HIVEP1: variants seen among roughly 807,000 people sequenced by gnomAD.
HIVEP1 encodes HIVEP zinc finger 1.
HIVEP1 carries 36 observed loss-of-function variants against 180.0 expected under a neutral mutation model. The observed-to-expected ratio is 0.20, with a 90% CI of 0.15 to 0.26. The LOEUF (loss-of-function observed/expected upper bound fraction) is 0.26. Among genes scored for constraint, HIVEP1 ranks in the 10% least tolerant of loss-of-function variants. HIVEP1 has a pLI of 1.00. For missense variants in HIVEP1, 3,143 were observed against 3,268.7 expected, an observed-to-expected ratio of 0.96 and a Z score of 0.94; for synonymous variants, 1,239 against 1,239.0, an observed-to-expected ratio of 1.00 and a Z score of 0.00.
intron 2 of HIVEP1, among the ~76,000 whole-genome samples, chr6:12,079,720 A>T (rs763868687): frequency 7.2e-5 from 11 of 152,192 alleles, no homozygotes; most frequent in Non-Finnish European, 1.3e-4. Flanking sequence ...AGTGGGGTGC[A>T]GCCTGAGTAT....
chr6:12,058,856 G>C (rs769514598), intron 2 of HIVEP1, among the ~76,000 whole-genome samples: 2 of 152,120 alleles, frequency 1.3e-5, no homozygotes. Context: ...ATCTATGTAA[G>C]TATGTACATA....
intron 2 of HIVEP1, among the ~76,000 whole-genome samples, chr6:12,050,277 T>G (rs1439903429): frequency 1.3e-5 from 2 of 152,152 alleles, no homozygotes; most frequent in Non-Finnish European, 2.9e-5. Context: ...CTGCCACACA[T>G]GGGCACTGTA....
chr6:12,164,483 T>C lies in HIVEP1; in HGVS notation c.*22T>C, dbSNP rs76772048. On this transcript the variant is annotated 3_prime_UTR_variant, in exon 9 of 9. Coordinates refer to ENST00000379388, the MANE Select transcript of HIVEP1 (RefSeq NM_002114.4). ...CTGATGGATTTTATTTTTTATTTGC[T>C]TTTTTTTTATATAACACTTAAAGGT... 1.4e-5 allele frequency: 20 copies of C among 1,461,114 alleles called. No homozygotes were observed. The highest frequency in any genetic ancestry group is 2.6e-5 in the South Asian group (2 of 76,922). 90.5% of individuals were successfully genotyped at this position (1,461,114 alleles called of 1,614,324 possible).
chr6:12,141,391 C>T (rs1205673773), intron 7 of HIVEP1, among the ~76,000 whole-genome samples: 1 of 152,008 alleles, frequency 6.6e-6, no homozygotes, highest in Non-Finnish European at 1.5e-5. Flanking sequence ...TGGAAAGGAA[C>T]AACCAGTACC....
Position 12,133,188 on chromosome 6 carries a change from C to T in HIVEP1, c.6385+2246C>T, listed in dbSNP as rs548564503. ...ACAAATCCATAATTCATTATTTGCC[C>T]TCTGAGTTTATTTTGTGAGTACATT... On this transcript the variant is annotated intron_variant, in intron 6 of 8. Coordinates refer to ENST00000379388, the MANE Select transcript of HIVEP1 (RefSeq NM_002114.4). Among the ~76,000 whole-genome samples, 13 of 152,236 alleles carry T rather than the reference C, an allele frequency of 8.5e-5. 2 individuals carry two copies. Among genetic ancestry groups the T allele is most frequent in the African/African-American group, 3.1e-4 (13 of 41,546 alleles).
At chr6:12,089,152 T>C (rs1561928184) in intron 2 of HIVEP1, 32 bp from the exon 3 acceptor site, 11 of 1,238,664 alleles carry the variant, frequency 8.9e-6, no homozygotes, top group Non-Finnish European at 1.3e-5. Flanking sequence ...TTAAGGTAAA[T>C]TAATTTATAA....
rs775294473 is a variant in HIVEP1 at position 12,124,980 on chromosome 6, A to G, written c.5185A>G (p.Ile1729Val). The G allele has an allele frequency of 1.7e-5, 27 of 1,614,074 alleles. No individual in the cohort carries two copies. The highest frequency in any genetic ancestry group is 2.2e-5 in the Non-Finnish European group (26 of 1,180,048). ...LSESLPITQK[I>V]SVGRLSPQQE... ...AGAATCCTTGCCCATAACTCAGAAA[A>G]TATCTGTTGGTCGACTTTCCCCTCA... The change falls in exon 4 of 9, where the codon ATA (isoleucine) becomes GTA (valine). Residue 1729 changes from isoleucine (I) to valine (V), a missense_variant. Around this residue, in one of 12 missense-constraint regions of HIVEP1, gnomAD observed 1,357 missense variants for 1,260.5 expected, o/e 1.08. Coordinates refer to ENST00000379388, the MANE Select transcript of HIVEP1 (RefSeq NM_002114.4).
At chr6:12,148,566 T>C (rs1562001300) in intron 7 of HIVEP1, among the ~76,000 whole-genome samples, 3 of 152,206 alleles carry the variant, frequency 2.0e-5, no homozygotes, top group Admixed American at 2.0e-4. Context: ...TATCATGGGG[T>C]CTTGATATCA....
intron 2 of HIVEP1, chr6:12,037,609 A>G (rs987766133): frequency 1.8e-5 from 7 of 387,462 alleles, no homozygotes; most frequent in Non-Finnish European, 3.2e-5. Context: ...AGAATTTTGT[A>G]TATGAAATAG....
Position 12,122,477 on chromosome 6 carries a change from T to A in HIVEP1, c.2682T>A (p.Arg894=). The change falls in exon 4 of 9, where the codon CGT becomes CGA. Residue 894 remains arginine, a synonymous_variant. Transcript: ENST00000379388. The stretch of plus-strand genomic sequence containing the variant: ...CTGTGCCCCAGAGTGGGCATCCCCG[T>A]ACACTTGTGAGACAAGCAGCCATAG... ...NAPVPQSGHP[R]TLVRQAAIED... is the part of the protein sequence containing the mutation. The A allele has an allele frequency of 6.2e-7, 1 of 1,614,222 alleles. No homozygotes were observed. The highest frequency in any genetic ancestry group is 8.5e-7 in the Non-Finnish European group (1 of 1,180,026).
chr6:12,016,975 G>A (rs980376378), intron 2 of HIVEP1, among the ~76,000 whole-genome samples: 3 of 152,182 alleles, frequency 2.0e-5, no homozygotes, highest in African/African-American at 4.8e-5. Flanking sequence ...ATACAGATGA[G>A]CAGCAGCCCT....
rs746400345 is a variant in HIVEP1, at chr6:12,161,723, A to G, written c.6772A>G (p.Thr2258Ala). The change falls in exon 8 of 9, where the codon ACT becomes GCT. Residue 2258 changes from threonine (T) to alanine (A), a missense_variant. This residue lies in a region of HIVEP1 where 595 missense variants were observed against 602.2 expected (regional missense o/e 0.99). Transcript: ENST00000379388. The stretch of plus-strand genomic sequence containing the variant: ...GCCCAGGGCGCTGCTCACCAGAATG[A>G]CTGTCCTGAGCACAGCACAGTCTGA... Reference protein sequence around the residue: ...VLPRALLTRMTVLSTAQSDYN... With the variant: ...VLPRALLTRMAVLSTAQSDYN... 5.0e-6 allele frequency: 8 copies of G among 1,614,158 alleles called. No individual in the cohort carries two copies. In the East Asian group the frequency reaches 1.6e-4, roughly 31 times the overall value.
At chr6:12,041,089 A>C (rs192967959) in intron 2 of HIVEP1, among the ~76,000 whole-genome samples, 99 of 152,222 alleles carry the variant, frequency 6.5e-4, no homozygotes, top group Admixed American at 6.0e-3. Flanking sequence ...TGAGCTGTTG[A>C]CAGTTTGCTC....
the HIVEP1 span, among the ~76,000 whole-genome samples, chr6:12,185,452 G>C: frequency 1.3e-5 from 2 of 152,172 alleles, no homozygotes; most frequent in Admixed American, 1.3e-4. Flanking sequence ...GCTATAAGAG[G>C]CTCTGAGTTG....
chr6:12,029,327 A>G (rs1335417734), intron 2 of HIVEP1, among the ~76,000 whole-genome samples: 3 of 152,148 alleles, frequency 2.0e-5, no homozygotes, highest in African/African-American at 4.8e-5. Context: ...AACCTCTGCC[A>G]CTGTTGCAGG....
chr6:12,168,194 G>GTATATATACA (rs1196906110), downstream of HIVEP1, among the ~76,000 whole-genome samples: 3,483 of 17,864 alleles, frequency 0.19, 486 homozygotes, highest in African/African-American at 0.32. Context: ...AGATATACGT[G>GTATATATACA]TATATATACA....
At chr6:12,104,425 CTTT>C (rs70981665) in intron 3 of HIVEP1, among the ~76,000 whole-genome samples, 12 of 72,778 alleles carry the variant, frequency 1.6e-4, no homozygotes, top group African/African-American at 2.8e-4. Context: ...CTTTTCTTTC[CTTT>C]TTTTTTTTTT....
chr6:12,204,515 TCCC>T, the HIVEP1 span, among the ~76,000 whole-genome samples: 1 of 151,902 alleles, frequency 6.6e-6, no homozygotes. Context: ...AGAAAAAAAA[TCCC>T]CCGACTAAGA....
At chr6:12,197,634 G>T in the HIVEP1 span, among the ~76,000 whole-genome samples, 79 of 152,062 alleles carry the variant, frequency 5.2e-4, 1 homozygote, top group South Asian at 0.015. Context: ...GGTGGGAAGG[G>T]TAGGTTAGAT....
Sources: gnomAD v4.1 joint callset for allele counts (sites outside exome capture counted in the v4.1 genomes callset) on GRCh38, gnomAD v4.1.1 for gene constraint, gnomAD v4.1.1 regional missense constraint, MANE v1.5 for transcripts, NCBI Gene and HGNC (gene_info 2026-07-23, HGNC 2026-07-21) for gene names.